NEURL3: variants seen among roughly 807,000 people sequenced by gnomAD.
NEURL3 encodes neuralized E3 ubiquitin protein ligase 3.
A neutral mutation model predicts 17.6 loss-of-function variants in NEURL3; 19 were observed. That is an observed-to-expected ratio of 1.08 (90% confidence interval 0.75 to 1.58). The LOEUF is 1.58. Among genes scored for constraint, NEURL3 ranks in the 40% most tolerant of loss-of-function variants. The probability of loss-of-function intolerance (pLI) is 0.00; values close to 1 mark genes in which losing one functional copy is unlikely to be tolerated. For missense variants in NEURL3, 342 were observed against 379.6 expected (o/e 0.90, Z 0.82); for synonymous variants, 180 against 161.4 (o/e 1.11, Z -0.87).
At position 96,499,370 on chromosome 2, in the gene NEURL3, G is replaced by A. The variant is rs547694357; in HGVS notation, c.586+8C>T. The A allele has an allele frequency of 3.1e-6, 5 of 1,599,156 alleles. No individual in the cohort carries two copies. The African/African-American group carries it at 5.3e-5, about 17-fold the overall frequency. ...CGGGGAGTCCCTGATTCTTGGGAAG[G>A]CACTCACCTTTGGGCTCAGGCACAG... On this transcript the variant is annotated splice_region_variant and intron_variant, in intron 3 of 3. Transcript: ENST00000451794.
chr2:96,507,368 T>C (rs959077021), upstream of NEURL3, among the ~76,000 whole-genome samples: 10 of 152,252 alleles, frequency 6.6e-5, no homozygotes, highest in African/African-American at 2.4e-4. Context: ...TTGACCTGTC[T>C]TTTGTTATAG....
At position 96,497,790 on chromosome 2, in the gene NEURL3, G is replaced by T. The variant is rs1471107120; in HGVS notation, c.*454C>A. On this transcript the variant is annotated 3_prime_UTR_variant, in exon 4 of 4. Transcript: ENST00000451794. ...ATGACCACCCTGAAAGGGAGGCAGG[G>T]CGGGTAACTACAGATCCACTCTACT... 6.4e-6 allele frequency: 1 copy of T among 157,174 alleles called. No individual in the cohort carries two copies. The highest frequency in any genetic ancestry group is 2.4e-5 in the African/African-American group (1 of 41,582). 9.7% of individuals were successfully genotyped at this position (157,174 alleles called of 1,614,324 possible).
chr2:96,499,759 C>T (rs576015585), intron 2 of NEURL3, among the ~76,000 whole-genome samples: 13 of 152,272 alleles, frequency 8.5e-5, no homozygotes, highest in African/African-American at 3.1e-4. Flanking sequence ...CCCAGATGGG[C>T]ATCAACATCT....
upstream of NEURL3, among the ~76,000 whole-genome samples, chr2:96,505,913 T>C (rs1325811729): frequency 6.6e-6 from 1 of 152,210 alleles, no homozygotes; most frequent in Non-Finnish European, 1.5e-5. Context: ...CCAGCCTTTC[T>C]CACTGGAATT....
chr2:96,502,303 A>G (rs2065516574), intron 1 of NEURL3, among the ~76,000 whole-genome samples: 1 of 152,240 alleles, frequency 6.6e-6, no homozygotes, highest in Non-Finnish European at 1.5e-5. Context: ...GAGCCAGCAC[A>G]CATGGAGAGC....
At position 96,497,976 on chromosome 2, in the gene NEURL3, T is replaced by C. The variant is rs933803855; in HGVS notation, c.*268A>G. Reference sequence around the variant, plus strand: ...CCTCAGATGTAAAACTGATTGGGGATTGGGCCACCCCATCTCTAAACAAAG... The same window carrying C: ...CCTCAGATGTAAAACTGATTGGGGACTGGGCCACCCCATCTCTAAACAAAG... On this transcript the variant is annotated 3_prime_UTR_variant, in exon 4 of 4. Coordinates refer to ENST00000451794, the MANE Select transcript of NEURL3 (RefSeq NM_001285485.2). 17 of 450,504 alleles carry C rather than the reference T, an allele frequency of 3.8e-5. No homozygotes were observed. The highest frequency in any genetic ancestry group is 2.6e-4 in the African/African-American group (13 of 50,172). The allele number at this position is 450,504 out of a possible 1,614,324, so 27.9% of individuals were successfully genotyped here.
At chr2:96,505,716 G>C (rs1212746775), upstream of NEURL3, among the ~76,000 whole-genome samples, 1 of 152,256 alleles carries the variant, frequency 6.6e-6, no homozygotes, top group Non-Finnish European at 1.5e-5. Flanking sequence ...GAGCAACGCA[G>C]ATGATTCTAA....
At chr2:96,499,471 A>T (rs2065477834) in intron 2 of NEURL3, 22 bp from the exon 3 acceptor site, 7 of 1,598,442 alleles carry the variant, frequency 4.4e-6, no homozygotes, top group Non-Finnish European at 5.9e-6. Context: ...AGAGAAACTC[A>T]GGTCCAGGAC....
chr2:96,507,975 A>AC (rs969390750), upstream of NEURL3: 30 of 152,142 alleles, frequency 2.0e-4, no homozygotes, highest in African/African-American at 7.0e-4. Flanking sequence ...GCGCCCCTCC[A>AC]CGGCCACTCG....
upstream of NEURL3, chr2:96,505,389 GC>G: frequency 1.8e-6 from 2 of 1,108,842 alleles, no homozygotes; most frequent in Non-Finnish European, 2.7e-6. Context: ...CTTTTTATGG[GC>G]CAGAGATCAC....
intron 1 of NEURL3, among the ~76,000 whole-genome samples, chr2:96,503,400 T>C (rs771398577): frequency 9.2e-5 from 14 of 152,186 alleles, no homozygotes; most frequent in Middle Eastern, 3.4e-3. Context: ...CACAGGTCAT[T>C]CCGCAGCCGG....
intron 3 of NEURL3, 33 bp downstream of exon 3, chr2:96,499,345 C>T (rs116087310): frequency 0.011 from 16,877 of 1,597,276 alleles, 108 homozygotes; most frequent in Non-Finnish European, 0.013. Flanking sequence ...GCTGGATTCC[C>T]GGGGAGTCCC....
chr2:96,497,683 C>T lies in NEURL3; in HGVS notation c.*561G>A, dbSNP rs2065457083. The T allele has an allele frequency of 6.6e-6, 1 of 152,508 alleles. No individual in the cohort carries two copies. The highest frequency in any genetic ancestry group is 1.5e-5 in the Non-Finnish European group (1 of 68,262). 9.4% of individuals were successfully genotyped at this position (152,508 alleles called of 1,614,324 possible). Reference sequence around the variant, plus strand: ...AAACTTTATTTTGATATCTCAGAAACTGGCAAGGAAATTACCACAGTGACA... The same window carrying T: ...AAACTTTATTTTGATATCTCAGAAATTGGCAAGGAAATTACCACAGTGACA... On this transcript the variant is annotated 3_prime_UTR_variant, in exon 4 of 4. Transcript: ENST00000451794.
intron 3 of NEURL3, chr2:96,499,055 G>T: frequency 1.5e-6 from 1 of 683,506 alleles, no homozygotes. Flanking sequence ...AGGGATTACA[G>T]GTGTGAGCCA....
Position 96,497,890 on chromosome 2 carries a change from C to A in NEURL3, c.*354G>T, listed in dbSNP as rs1270874847. ...CTTGCAGATACCTCCTGCTTCAAGT[C>A]CAGGTTCTTCAATACCCAGGAGGTA... is the stretch of plus-strand genomic sequence containing the variant. On this transcript the variant is annotated 3_prime_UTR_variant, in exon 4 of 4. Transcript: ENST00000451794. The A allele has an allele frequency of 2.4e-5, 5 of 210,362 alleles. No individual in the cohort carries two copies. Among genetic ancestry groups the A allele is most frequent in the Non-Finnish European group, 9.4e-6 (1 of 106,142 alleles). 13.0% of individuals were successfully genotyped at this position (210,362 alleles called of 1,614,324 possible).
chr2:96,504,479 T>A (rs1299157491), intron 1 of NEURL3: 1 of 152,270 alleles, frequency 6.6e-6, no homozygotes, highest in East Asian at 1.9e-4. Flanking sequence ...TGTGAGCCCA[T>A]GGTGCCCACC....
intron 1 of NEURL3, among the ~76,000 whole-genome samples, chr2:96,502,362 A>T (rs574769348): frequency 6.6e-6 from 1 of 152,306 alleles, no homozygotes; most frequent in Admixed American, 6.5e-5. Flanking sequence ...CCTTGTGCCC[A>T]TGGTTGAGGC....
At chr2:96,502,093 G>A (rs2065514302) in intron 1 of NEURL3, among the ~76,000 whole-genome samples, 1 of 152,184 alleles carries the variant, frequency 6.6e-6, no homozygotes. Flanking sequence ...AAGCCTACCT[G>A]CAGTGACCTT....
At chr2:96,499,028 T>G (rs966053076) in intron 3 of NEURL3, 1 of 239,730 alleles carries the variant, frequency 4.2e-6, no homozygotes, top group African/African-American at 2.3e-5. Context: ...TCCTCCTGCC[T>G]CGGCCTCCCA....
Sources: gnomAD v4.1 joint callset for allele counts (sites outside exome capture counted in the v4.1 genomes callset) on GRCh38, gnomAD v4.1.1 for gene constraint, MANE v1.5 for transcripts, NCBI Gene and HGNC (gene_info 2026-07-23, HGNC 2026-07-21) for gene names.